The following RCAN2 variants were observed in gnomAD, a reference collection of about 807,000 sequenced individuals.
The protein encoded by RCAN2 is regulator of calcineurin 2, also known as calcipressin-2.
Under a neutral mutation model 23.6 loss-of-function variants are expected in RCAN2, and 9 were observed. The ratio of observed to expected loss-of-function variants is 0.38; its 90% CI spans 0.23 to 0.67. The LOEUF is 0.67. Ranked by LOEUF, RCAN2 falls within the 30% of genes least tolerant of loss-of-function variation. The pLI, the probability that RCAN2 is intolerant of heterozygous loss-of-function variation, is 0.51. For synonymous variants in RCAN2, 109 were observed against 115.7 expected, an observed-to-expected ratio of 0.94 and a Z score of 0.37; for missense variants, 273 against 302.3, an observed-to-expected ratio of 0.90 and a Z score of 0.72.
At chr6:46,339,924 G>A (rs1175672251) in intron 2 of RCAN2, among the ~76,000 whole-genome samples, 3 of 151,954 alleles carry the variant, frequency 2.0e-5, no homozygotes, top group Admixed American at 6.6e-5. Context: ...CTAAAATAAT[G>A]TATATGACTT....
At chr6:46,461,170 T>C (rs1756323900) in intron 1 of RCAN2, among the ~76,000 whole-genome samples, 1 of 152,156 alleles carries the variant, frequency 6.6e-6, no homozygotes, top group Non-Finnish European at 1.5e-5. Flanking sequence ...ATTGCAGTGT[T>C]TTTTTTACAT....
intron 2 of RCAN2, among the ~76,000 whole-genome samples, chr6:46,314,517 A>G (rs1763370217): frequency 6.6e-6 from 1 of 151,876 alleles, no homozygotes. Flanking sequence ...CAAAAAAACA[A>G]AAAACAAAAA....
chr6:46,456,644 C>T (rs115633107), intron 2 of RCAN2, 108 bp downstream of exon 2: 2 of 799,326 alleles, frequency 2.5e-6, no homozygotes, highest in Non-Finnish European at 4.1e-6. Flanking sequence ...ATAGAGCCAA[C>T]TAAACATTTC....
intron 2 of RCAN2, among the ~76,000 whole-genome samples, chr6:46,249,104 T>G: frequency 6.6e-6 from 1 of 151,860 alleles, no homozygotes; most frequent in Admixed American, 6.6e-5. Flanking sequence ...TCCAAGGTTC[T>G]CTAGAGGACC....
chr6:46,427,239 T>G lies in RCAN2; in HGVS notation c.225+29513A>C, dbSNP rs562935212. ...CCTTAAAAACCACATTATCATCTCT[T>G]ACTTTGTTCACTTAGTGTGCCATAG... On this transcript the variant is annotated intron_variant, in intron 2 of 4. Transcript: ENST00000371374. Among the ~76,000 whole-genome samples the G allele has an allele frequency of 2.6e-5, 4 of 152,344 alleles. No individual in the cohort carries two copies. In the South Asian group the frequency reaches 8.3e-4, roughly 32 times the overall value.
intron 2 of RCAN2, among the ~76,000 whole-genome samples, chr6:46,351,251 A>G (rs1481008295): frequency 2.0e-5 from 3 of 152,208 alleles, no homozygotes; most frequent in Non-Finnish European, 4.4e-5. Context: ...GTATTGACAG[A>G]ATCCTTCCAG....
intron 2 of RCAN2, among the ~76,000 whole-genome samples, chr6:46,368,937 A>G (rs1383065447): frequency 1.3e-5 from 2 of 152,222 alleles, no homozygotes; most frequent in Non-Finnish European, 2.9e-5. Context: ...AATGTTATAA[A>G]CTTTAAAATT....
chr6:46,443,432 T>C (rs1767611239), intron 2 of RCAN2, among the ~76,000 whole-genome samples: 1 of 152,100 alleles, frequency 6.6e-6, no homozygotes, highest in Non-Finnish European at 1.5e-5. Flanking sequence ...ATTTTAGCTT[T>C]TATTGTTACC....
At chr6:46,406,390 TAA>T (rs1225906825) in intron 2 of RCAN2, among the ~76,000 whole-genome samples, 1 of 152,240 alleles carries the variant, frequency 6.6e-6, no homozygotes, top group East Asian at 1.9e-4. Flanking sequence ...TTTTCCCAAA[TAA>T]AGTCACTCCT....
intron 2 of RCAN2, among the ~76,000 whole-genome samples, chr6:46,343,569 G>T (rs1764398149): frequency 6.6e-6 from 1 of 151,892 alleles, no homozygotes; most frequent in Non-Finnish European, 1.5e-5. Context: ...TAGAGACGGG[G>T]TTTCACTGTG....
intron 2 of RCAN2, among the ~76,000 whole-genome samples, chr6:46,294,660 G>A (rs1462938987): frequency 1.3e-5 from 2 of 152,040 alleles, no homozygotes; most frequent in Non-Finnish European, 2.9e-5. Context: ...CTTATGTGTT[G>A]TGTGAAGAAA....
chr6:46,398,938 A>T (rs756444753), intron 2 of RCAN2, among the ~76,000 whole-genome samples: 1 of 151,318 alleles, frequency 6.6e-6, no homozygotes. Context: ...ATATATATAC[A>T]TAAAAGCAAT....
intron 2 of RCAN2, among the ~76,000 whole-genome samples, chr6:46,378,755 C>A (rs927351059): frequency 7.2e-5 from 11 of 152,118 alleles, no homozygotes; most frequent in African/African-American, 2.4e-4. Flanking sequence ...TCTAGAGTAT[C>A]TGTGACCTTC....
At chr6:46,468,881 G>T (rs1768471180) in intron 1 of RCAN2, 1 of 983,026 alleles carries the variant, frequency 1.0e-6, no homozygotes, top group Admixed American at 6.1e-5. Context: ...AAATCCGGAA[G>T]GCTGAGTGTT....
intron 2 of RCAN2, among the ~76,000 whole-genome samples, chr6:46,385,870 A>G (rs1313174034): frequency 6.6e-6 from 1 of 150,922 alleles, no homozygotes; most frequent in Non-Finnish European, 1.5e-5. Flanking sequence ...CAAAAAAAAA[A>G]AAAAAAAAAA....
At chr6:46,366,077 G>A (rs1321389558) in intron 2 of RCAN2, among the ~76,000 whole-genome samples, 3 of 152,182 alleles carry the variant, frequency 2.0e-5, no homozygotes, top group African/African-American at 7.2e-5. Flanking sequence ...TTGAATTCAA[G>A]TTGCTTGATT....
chr6:46,372,271 T>C (rs1207338271), intron 2 of RCAN2, among the ~76,000 whole-genome samples: 1 of 152,236 alleles, frequency 6.6e-6, no homozygotes, highest in Non-Finnish European at 1.5e-5. Flanking sequence ...GCACTTCATT[T>C]GTACTAGGTT....
At chr6:46,319,069 A>C (rs1454075110) in intron 2 of RCAN2, among the ~76,000 whole-genome samples, 1 of 152,234 alleles carries the variant, frequency 6.6e-6, no homozygotes, top group Admixed American at 6.5e-5. Flanking sequence ...GAACCTTTAC[A>C]TAAATACATT....
At chr6:46,311,393 A>T (rs1357691772) in intron 2 of RCAN2, among the ~76,000 whole-genome samples, 2 of 152,230 alleles carry the variant, frequency 1.3e-5, no homozygotes, top group Admixed American at 6.5e-5. Context: ...CAATGGCTGT[A>T]AAAGATGTGA....
Sources: allele counts gnomAD v4.1 joint callset (sites outside exome capture counted in the v4.1 genomes callset), GRCh38; gene constraint gnomAD v4.1.1; transcripts MANE v1.5; gene names NCBI Gene and HGNC (gene_info 2026-07-23, HGNC 2026-07-21).